ZDHHC2: variants seen among roughly 807,000 people sequenced by gnomAD.
ZDHHC2 encodes the protein palmitoyltransferase ZDHHC2.
In ZDHHC2, 51 loss-of-function variants were observed where a neutral mutation model predicts 55.6. The ratio of observed to expected loss-of-function variants is 0.92; its 90% CI spans 0.73 to 1.16. The LOEUF (loss-of-function observed/expected upper bound fraction) is 1.16, where lower values mean the gene tolerates loss of function less well. Ranked by LOEUF, ZDHHC2 falls within the 50% of genes most tolerant of loss-of-function variation. The probability of loss-of-function intolerance (pLI) is 0.00; values close to 1 mark genes in which losing one functional copy is unlikely to be tolerated. For missense variants in ZDHHC2, 491 were observed against 442.4 expected, an observed-to-expected ratio of 1.11 and a Z score of -0.99; for synonymous variants, 199 against 152.9, an observed-to-expected ratio of 1.30 and a Z score of -2.22.
chr8:17,198,480 C>A, intron 6 of ZDHHC2, 67 bp downstream of exon 6: 3 of 1,423,176 alleles, frequency 2.1e-6, no homozygotes, highest in East Asian at 2.4e-5. Context: ...AATCACTTAT[C>A]CATGTAAATC....
chr8:17,173,080 G>A (rs1198018514), intron 1 of ZDHHC2, among the ~76,000 whole-genome samples: 1 of 152,200 alleles, frequency 6.6e-6, no homozygotes, highest in Non-Finnish European at 1.5e-5. Context: ...CAGATCAGAA[G>A]TAACAGGGAG....
chr8:17,201,183 T>C (rs912144774), intron 6 of ZDHHC2, among the ~76,000 whole-genome samples: 1 of 152,224 alleles, frequency 6.6e-6, no homozygotes, highest in Non-Finnish European at 1.5e-5. Context: ...TCTTCCACTA[T>C]GCACAGAGAA....
At chr8:17,209,199 T>A (rs1228130073) in intron 8 of ZDHHC2, among the ~76,000 whole-genome samples, 1 of 152,196 alleles carries the variant, frequency 6.6e-6, no homozygotes, top group African/African-American at 2.4e-5. Flanking sequence ...TGAACCAGCT[T>A]CGATAGGCAG....
chr8:17,174,298 C>G (rs1052416500), intron 1 of ZDHHC2, among the ~76,000 whole-genome samples: 1 of 152,070 alleles, frequency 6.6e-6, no homozygotes, highest in Non-Finnish European at 1.5e-5. Context: ...CTTCTAGAGT[C>G]CAGAAATGTG....
rs55953383 is a variant in ZDHHC2, at chr8:17,222,079, G to A, written c.*1858G>A. The A allele has an allele frequency of 6.7e-6, 1 of 149,564 alleles. No individual in the cohort carries two copies. The highest frequency in any genetic ancestry group is 1.5e-5 in the Non-Finnish European group (1 of 67,332). 9.3% of individuals were successfully genotyped at this position (149,564 alleles called of 1,614,324 possible). On this transcript the variant is annotated 3_prime_UTR_variant, in exon 13 of 13. Transcript: ENST00000262096. ...CCTCTTGTCAAACTGGAAGCTAGGG[G>A]AAAAAGAGGGATTTTTATCCTTTAC...
At chr8:17,167,562 C>T (rs1464652556) in intron 1 of ZDHHC2, among the ~76,000 whole-genome samples, 1 of 152,016 alleles carries the variant, frequency 6.6e-6, no homozygotes, top group African/African-American at 2.4e-5. Context: ...TCCCAAAGTG[C>T]TGGGATTATA....
intron 2 of ZDHHC2, among the ~76,000 whole-genome samples, chr8:17,185,274 C>T (rs1402647121): frequency 2.0e-5 from 3 of 152,054 alleles, no homozygotes; most frequent in Non-Finnish European, 4.4e-5. Context: ...TTTAAATTAG[C>T]ATATTTTATT....
rs1440313752 is a variant in ZDHHC2 at position 17,222,530 on chromosome 8, T to C, written c.*2309T>C. 6.6e-6 allele frequency: 1 copy of C among 151,882 alleles called. No homozygotes were observed. The highest frequency in any genetic ancestry group is 1.5e-5 in the Non-Finnish European group (1 of 67,806). 9.4% of individuals were successfully genotyped at this position (151,882 alleles called of 1,614,324 possible). ...TCTTGCTTTTATAGATTTTACTATATAGGAATCAAGATTTAAGAAATTTTG... is the reference window on the plus strand; with the variant it reads ...TCTTGCTTTTATAGATTTTACTATACAGGAATCAAGATTTAAGAAATTTTG... On this transcript the variant is annotated 3_prime_UTR_variant, in exon 13 of 13. Transcript: ENST00000262096.
chr8:17,167,517 C>T lies in ZDHHC2; in HGVS notation c.130+10664C>T, dbSNP rs189229174. ...ACGGGGTTTCCGCATGTTGGCCAGG[C>T]TGGTCTTGAACTCCTGACCTCAGGT... On this transcript the variant is annotated intron_variant, in intron 1 of 12. Coordinates refer to ENST00000262096, the MANE Select transcript of ZDHHC2 (RefSeq NM_016353.5). Among the ~76,000 whole-genome samples, 62 of 152,114 alleles carry T rather than the reference C, an allele frequency of 4.1e-4. 2 individuals are homozygous for T. In the East Asian group the frequency reaches 0.012, roughly 29 times the overall value.
chr8:17,190,924 G>A (rs997353285), intron 3 of ZDHHC2, among the ~76,000 whole-genome samples: 1 of 139,434 alleles, frequency 7.2e-6, no homozygotes, highest in Non-Finnish European at 1.5e-5. Context: ...GCCCTATTGT[G>A]CTGTCAAATA....
rs1262602105 is a variant in ZDHHC2 at position 17,223,947 on chromosome 8, G to C, written c.*3726G>C. On this transcript the variant is annotated 3_prime_UTR_variant, in exon 13 of 13. Transcript: ENST00000262096. ...TGAAATCAAGTAGGCTTGTTTCAAA[G>C]AGACTCCTGTGAATCAACTATGAAT... 4 of 151,736 alleles carry C rather than the reference G, an allele frequency of 2.6e-5. No homozygotes were observed. Among genetic ancestry groups the C allele is most frequent in the Non-Finnish European group, 5.9e-5 (4 of 67,758 alleles). The allele number at this position is 151,736 out of a possible 1,614,324, so 9.4% of individuals were successfully genotyped here. A position where few individuals can be genotyped will look rare whatever the true frequency, so the allele number is the denominator to read the frequency against.
At chr8:17,173,941 TAAAAG>T (rs552859189) in intron 1 of ZDHHC2, among the ~76,000 whole-genome samples, 76 of 152,168 alleles carry the variant, frequency 5.0e-4, no homozygotes, top group African/African-American at 1.7e-3. Flanking sequence ...TTGCTGTCCT[TAAAAG>T]AAGAAATTTG....
chr8:17,193,059 T>G (rs2150918786), intron 3 of ZDHHC2, among the ~76,000 whole-genome samples: 1 of 152,344 alleles, frequency 6.6e-6, no homozygotes, highest in East Asian at 1.9e-4. Flanking sequence ...GTTACTCCCC[T>G]ACACTAAACT....
Position 17,199,626 on chromosome 8 carries a change from T to TTTCTTCTTCTTCCTTTC in ZDHHC2, c.476+1225_476+1226insCTTTCTTCTTCTTCTTC, listed in dbSNP as rs1554466248. On this transcript the variant is annotated intron_variant, in intron 6 of 12. Coordinates refer to ENST00000262096, the MANE Select transcript of ZDHHC2 (RefSeq NM_016353.5). ...TATTCTTTCTTCTTCTTCTTCTTCC[T>TTTCTTCTTCTTCCTTTC]TTCTTCTTCTTCTCCTCCTCCTCCT... 6.8e-4 allele frequency among the ~76,000 whole-genome samples: 33 copies of TTTCTTCTTCTTCCTTTC among 48,676 alleles called. 1 individual carries two copies. Among genetic ancestry groups the TTTCTTCTTCTTCCTTTC allele is most frequent in the Middle Eastern group, 0.023 (1 of 44 alleles). The allele number at this position is 48,676 out of a possible 152,430, so 31.9% of individuals were successfully genotyped here.
chr8:17,188,038 A>T (rs1427888923), intron 3 of ZDHHC2, among the ~76,000 whole-genome samples: 1 of 152,210 alleles, frequency 6.6e-6, no homozygotes, highest in African/African-American at 2.4e-5. Flanking sequence ...TAATTTGGTT[A>T]TTTTAAAACA....
At position 17,221,152 on chromosome 8, in the gene ZDHHC2, C is replaced by A. The variant is rs1272963661; in HGVS notation, c.*931C>A. 1 of 152,476 alleles carries A rather than the reference C, an allele frequency of 6.6e-6. No homozygotes were observed. Among genetic ancestry groups the A allele is most frequent in the East Asian group, 1.9e-4 (1 of 5,190 alleles). 9.4% of individuals were successfully genotyped at this position (152,476 alleles called of 1,614,324 possible). A position where few individuals can be genotyped will look rare whatever the true frequency, so the allele number is the denominator to read the frequency against. On this transcript the variant is annotated 3_prime_UTR_variant, in exon 13 of 13. Transcript: ENST00000262096. ...CCCTCCAGTGATATCTATATTATTTCTTTCTCGTCTCATCAAAATGATGAC... is the reference window on the plus strand; with the variant it reads ...CCCTCCAGTGATATCTATATTATTTATTTCTCGTCTCATCAAAATGATGAC...
intron 1 of ZDHHC2, chr8:17,157,607 A>AT (rs1207196716): frequency 3.3e-5 from 5 of 152,210 alleles, no homozygotes; most frequent in Admixed American, 1.3e-4. Context: ...GAAGATTAAA[A>AT]TTTTTTAAAA....
chr8:17,196,371 C>T (rs988839156), intron 4 of ZDHHC2, among the ~76,000 whole-genome samples: 5 of 151,930 alleles, frequency 3.3e-5, no homozygotes, highest in African/African-American at 1.2e-4. Context: ...GTTTCAAAGA[C>T]TTAGTATGAA....
chr8:17,160,961 C>T (rs1585634297), intron 1 of ZDHHC2, among the ~76,000 whole-genome samples: 1 of 152,210 alleles, frequency 6.6e-6, no homozygotes, highest in Admixed American at 6.5e-5. Context: ...AGGTTTTACT[C>T]GCAGTTTTGC....
Sources: gnomAD v4.1 joint callset for allele counts (sites outside exome capture counted in the v4.1 genomes callset) on GRCh38, gnomAD v4.1.1 for gene constraint, MANE v1.5 for transcripts, NCBI Gene and HGNC (gene_info 2026-07-23, HGNC 2026-07-21) for gene names.